ADAR: variants seen among roughly 807,000 people sequenced by gnomAD.
ADAR encodes adenosine deaminase RNA specific.
In ADAR, 41 loss-of-function variants were observed where a neutral mutation model predicts 113.2. That is an observed-to-expected ratio of 0.36 (90% CI 0.28 to 0.47). ADAR has a LOEUF of 0.47. Among genes scored for constraint, ADAR ranks in the 20% least tolerant of loss-of-function variants. The pLI is 1.00. For missense variants in ADAR, 1,242 were observed against 1,540.9 expected, an observed-to-expected ratio of 0.81 and a Z score of 3.25; for synonymous variants, 605 against 572.6, an observed-to-expected ratio of 1.06 and a Z score of -0.81.
Position 154,596,950 on chromosome 1 carries a change from T to C in ADAR, c.2125A>G (p.Met709Val), listed in dbSNP as rs765251381. 1.2e-6 allele frequency: 2 copies of C among 1,614,192 alleles called. No homozygotes were observed. Among genetic ancestry groups the C allele is most frequent in the Non-Finnish European group, 1.7e-6 (2 of 1,180,038 alleles). ...SESLDNLESM[M>V]PNKVRKIGEL... ...CCAATCTTCCTGACCTTGTTGGGCA[T>C]CATGGATTCCAAGTTATCAAGTGAC... is the stretch of plus-strand genomic sequence containing the variant. Residue 709 changes from methionine (M) to valine (V), a missense_variant, in exon 6 of 15, where the codon ATG becomes GTG. Met to Val is a conservative substitution (Grantham distance 21, BLOSUM62 1). This residue lies in a region of ADAR where 780 missense variants were observed against 1,057.9 expected (regional missense o/e 0.74). Coordinates refer to ENST00000368474, the MANE Select transcript of ADAR (RefSeq NM_001111.5).
intron 1 of ADAR, among the ~76,000 whole-genome samples, chr1:154,607,643 G>C (rs1417767196): frequency 1.3e-5 from 2 of 152,118 alleles, no homozygotes. Flanking sequence ...CCCTCTTCAC[G>C]CACTGCTCCA....
intron 1 of ADAR, among the ~76,000 whole-genome samples, chr1:154,614,190 G>A (rs958164268): frequency 2.0e-5 from 3 of 152,096 alleles, no homozygotes; most frequent in South Asian, 4.1e-4. Flanking sequence ...ACATTCAGTC[G>A]GATAACTACC....
At chr1:154,596,142 T>G (rs1260598848) in intron 6 of ADAR, among the ~76,000 whole-genome samples, 2 of 152,218 alleles carry the variant, frequency 1.3e-5, no homozygotes, top group African/African-American at 2.4e-5. Context: ...CGCATCCCAG[T>G]TGCTAATGCA....
upstream of ADAR, among the ~76,000 whole-genome samples, chr1:154,610,841 A>AAAAAAAAAAAAAATT (rs1698465694): frequency 1.4e-5 from 2 of 145,878 alleles, no homozygotes; most frequent in African/African-American, 2.5e-5. Flanking sequence ...AAAAAAAAAA[A>AAAAAAAAAAAAAATT]GACAAAATTG....
chr1:154,584,512 T>C lies in ADAR; in HGVS notation c.*294A>G. 1 of 384,894 alleles carries C rather than the reference T, an allele frequency of 2.6e-6. No homozygotes were observed. The highest frequency in any genetic ancestry group is 4.7e-6 in the Non-Finnish European group (1 of 213,084). The allele number at this position is 384,894 out of a possible 1,614,324, so 23.8% of individuals were successfully genotyped here. A position where few individuals can be genotyped will look rare whatever the true frequency, so the allele number is the denominator to read the frequency against. On this transcript the variant is annotated 3_prime_UTR_variant, in exon 15 of 15. Transcript: ENST00000368474. ...TCAAAACAAAACTTTTAAGAGGAAA[T>C]GGACCGCAGGTGCTCAGTGACTATG... is the stretch of plus-strand genomic sequence containing the variant.
At chr1:154,612,702 T>C (rs1020095912), upstream of ADAR, among the ~76,000 whole-genome samples, 1 of 152,182 alleles carries the variant, frequency 6.6e-6, no homozygotes, top group African/African-American at 2.4e-5. Flanking sequence ...AATTCAGAGT[T>C]GCTAGGCACA....
intron 11 of ADAR, among the ~76,000 whole-genome samples, chr1:154,586,756 G>A (rs1245059252): frequency 6.6e-6 from 1 of 152,130 alleles, no homozygotes; most frequent in Non-Finnish European, 1.5e-5. Flanking sequence ...AGGACAGCTG[G>A]AGTAAGTGTT....
rs1306616226 is a variant in ADAR at position 154,596,824 on chromosome 1, C to T, written c.2251G>A (p.Gly751Arg). The T allele has an allele frequency of 1.9e-6, 3 of 1,613,376 alleles. No homozygotes were observed. The highest frequency in any genetic ancestry group is 1.7e-6 in the Non-Finnish European group (2 of 1,180,020). The change falls in exon 6 of 15, where the codon GGA becomes AGA. Residue 751 changes from glycine to arginine, a missense_variant. Transcript: ENST00000368474. ...AAEFKLVDQS[G>R]PPHEPKFVYQ... is the part of the protein sequence containing the mutation. The stretch of plus-strand genomic sequence containing the variant: ...ACTCACTTGGGCTCGTGAGGAGGTC[C>T]GGACTGGTCGACCAACTTGAATTCA...
chr1:154,590,208 C>T lies in ADAR; in HGVS notation c.2472G>A (p.Arg824=), dbSNP rs1346972139. ...CTGTCTTTGGCTGTGCTTCTGGGGA[C>T]CTTGAGAGGAGGAGCATAGTTCTTC... is the stretch of plus-strand genomic sequence containing the variant. ...SLRRTMLLLS[R]SPEAQPKTLP... The change falls in exon 7 of 15, where the codon AGG becomes AGA. Residue 824 remains arginine, a synonymous_variant. Transcript: ENST00000368474. The T allele has an allele frequency of 2.0e-6, 3 of 1,512,846 alleles. No homozygotes were observed. Among genetic ancestry groups the T allele is most frequent in the Non-Finnish European group, 2.7e-6 (3 of 1,118,418 alleles). 93.7% of individuals were successfully genotyped at this position (1,512,846 alleles called of 1,614,324 possible).
intron 6 of ADAR, among the ~76,000 whole-genome samples, chr1:154,590,777 CCT>C (rs1018780308): frequency 6.5e-5 from 7 of 107,114 alleles, no homozygotes; most frequent in African/African-American, 1.5e-4. Flanking sequence ...TAGCGAGACC[CCT>C]GTCTCTTAAA....
intron 7 of ADAR, 46 bp downstream of exon 7, chr1:154,590,138 A>AGGGGGGGGCGGGGGGGGGGGGGGGG: frequency 8.5e-7 from 1 of 1,173,796 alleles, no homozygotes; most frequent in Non-Finnish European, 1.2e-6. Flanking sequence ...AGGAGTTAGG[A>AGGGGGGGGCGGGGGGGGGGGGGGGG]GGACCCCCCC....
chr1:154,610,978 T>C (rs181621602), upstream of ADAR, among the ~76,000 whole-genome samples: 73 of 152,306 alleles, frequency 4.8e-4, no homozygotes, highest in Non-Finnish European at 7.2e-4. Context: ...AATTTCATTA[T>C]ACATTTACGT....
chr1:154,589,044 G>A (rs1442065856), intron 9 of ADAR, among the ~76,000 whole-genome samples: 2 of 152,162 alleles, frequency 1.3e-5, no homozygotes, highest in South Asian at 2.1e-4. Context: ...GTCCTCAAAC[G>A]GAAATGGAAA....
At position 154,608,096 on chromosome 1, in the gene ADAR, G is replaced by C; in HGVS notation, c.-90C>G. 6.9e-7 allele frequency: 1 copy of C among 1,449,480 alleles called. No homozygotes were observed. The highest frequency in any genetic ancestry group is 9.1e-7 in the Non-Finnish European group (1 of 1,099,214). The allele number at this position is 1,449,480 out of a possible 1,614,324, so 89.8% of individuals were successfully genotyped here. On this transcript the variant is annotated 5_prime_UTR_variant, in exon 1 of 15. Transcript: ENST00000368474. ...CGCGCCAGCCCCTCGAGGCCCCCAC[G>C]CCTCCGCTACTCCGCACTGGAAGTG... is the stretch of plus-strand genomic sequence containing the variant.
In ADAR at chr1:154,588,257, T is replaced by A. The variant is rs1194159746; in HGVS notation, c.2887A>T (p.Thr963Ser). 1 of 1,614,016 alleles carries A rather than the reference T, an allele frequency of 6.2e-7. No homozygotes were observed. Among genetic ancestry groups the A allele is most frequent in the African/African-American group, 1.3e-5 (1 of 74,916 alleles). ...AGGGCGCCATCTCCACACGGAGCAG[T>A]GCTGAAAAACAGGGGTGGCTGTTAA... ...KTVSFHLYIS[T>S]APCGDGALFD... The change falls in exon 11 of 15, where the codon ACT becomes TCT. Residue 963 changes from threonine (T) to serine (S), a missense_variant and splice_region_variant. By Grantham distance (58) the Thr-to-Ser change is moderately conservative (BLOSUM62 1). Around this residue, in one of 2 missense-constraint regions of ADAR, gnomAD observed 780 missense variants for 1,057.9 expected, o/e 0.74. Transcript: ENST00000368474.
At chr1:154,598,023 G>C in intron 3 of ADAR, 47 bp from the exon 4 acceptor site, 2 of 1,590,382 alleles carry the variant, frequency 1.3e-6, no homozygotes, top group Non-Finnish European at 1.7e-6. Context: ...AGAAAACACT[G>C]GTTAGTCCAT....
chr1:154,599,796 C>A (rs1697740966), intron 2 of ADAR, among the ~76,000 whole-genome samples: 1 of 152,236 alleles, frequency 6.6e-6, no homozygotes, highest in African/African-American at 2.4e-5. Context: ...GACCAGCTAT[C>A]TGAGTGAGGT....
intron 6 of ADAR, among the ~76,000 whole-genome samples, chr1:154,593,473 T>C (rs1427022403): frequency 1.3e-5 from 2 of 152,218 alleles, no homozygotes; most frequent in Admixed American, 6.5e-5. Context: ...ATCTAGTTCA[T>C]AGTAAGTTCT....
At chr1:154,626,149 G>A (rs1289065426) in intron 1 of ADAR, among the ~76,000 whole-genome samples, 3 of 146,256 alleles carry the variant, frequency 2.1e-5, no homozygotes, top group Admixed American at 6.9e-5. Context: ...ATACAGTTTC[G>A]CTGTCGTCCA....
Sources: gnomAD v4.1 joint callset for allele counts (sites outside exome capture counted in the v4.1 genomes callset) on GRCh38, gnomAD v4.1.1 for gene constraint, gnomAD v4.1.1 regional missense constraint, MANE v1.5 for transcripts, NCBI Gene and HGNC (gene_info 2026-07-23, HGNC 2026-07-21) for gene names.